The following CADPS variants were observed in gnomAD, a reference collection of about 807,000 sequenced individuals.
CADPS encodes calcium-dependent secretion activator 1.
In CADPS, 57 loss-of-function variants were observed where a neutral mutation model predicts 167.3. That is an observed-to-expected ratio of 0.34 (90% confidence interval 0.28 to 0.42). The LOEUF is 0.42. Ranked by LOEUF, CADPS falls within the 20% of genes least tolerant of loss-of-function variation. CADPS has a pLI of 1.00. For synonymous variants in CADPS, 676 were observed against 635.3 expected, an observed-to-expected ratio of 1.06 and a Z score of -0.96; for missense variants, 1,414 against 1,738.1, an observed-to-expected ratio of 0.81 and a Z score of 3.32.
chr3:62,844,269 A>C (rs2077058846), intron 1 of CADPS, among the ~76,000 whole-genome samples: 1 of 152,198 alleles, frequency 6.6e-6, no homozygotes, highest in Non-Finnish European at 1.5e-5. Context: ...CAAACAGCAG[A>C]AATCTTAGAC....
At position 62,831,192 on chromosome 3, in the gene CADPS, G is replaced by A. The variant is rs2075016435; in HGVS notation, c.441+43397C>T. On this transcript the variant is annotated intron_variant, in intron 1 of 29. Transcript: ENST00000383710. ...AGCTAACATCTCTTGTGTGCTGTATGCCAGTTGCTGTGCAACACTTTACAT... is the reference window on the plus strand; with the variant it reads ...AGCTAACATCTCTTGTGTGCTGTATACCAGTTGCTGTGCAACACTTTACAT... 2.0e-5 allele frequency among the ~76,000 whole-genome samples: 3 copies of A among 152,128 alleles called. No homozygotes were observed. The South Asian group carries it at 6.2e-4, about 32-fold the overall frequency.
intron 3 of CADPS, among the ~76,000 whole-genome samples, chr3:62,684,375 CT>C (rs1302642072): frequency 6.6e-6 from 1 of 152,004 alleles, no homozygotes; most frequent in Non-Finnish European, 1.5e-5. Flanking sequence ...CTTTTTGGCT[CT>C]AATGATGATC....
chr3:62,800,796 A>T (rs954705973), intron 1 of CADPS, among the ~76,000 whole-genome samples: 8 of 152,300 alleles, frequency 5.3e-5, no homozygotes, highest in Admixed American at 1.3e-4. Flanking sequence ...CCAAAACAAC[A>T]ACAAAAAGAT....
intron 9 of CADPS, among the ~76,000 whole-genome samples, chr3:62,564,924 C>T (rs532349849): frequency 6.6e-6 from 1 of 152,170 alleles, no homozygotes; most frequent in South Asian, 2.1e-4. Context: ...CTTTTGATCA[C>T]AGAATAAAAA....
At chr3:62,802,852 G>A (rs571135152) in intron 1 of CADPS, among the ~76,000 whole-genome samples, 4 of 152,170 alleles carry the variant, frequency 2.6e-5, no homozygotes, top group African/African-American at 7.2e-5. Flanking sequence ...CTATTCTCTG[G>A]TCTGGTTCAG....
intron 28 of CADPS, among the ~76,000 whole-genome samples, chr3:62,415,104 A>G (rs1381612361): frequency 9.4e-6 from 1 of 106,446 alleles, no homozygotes. Context: ...TCCCCGCCCC[A>G]TACTTCTTTC....
At chr3:62,697,348 T>G (rs144340223) in intron 3 of CADPS, among the ~76,000 whole-genome samples, 1,892 of 152,140 alleles carry the variant, frequency 0.012, 33 homozygotes, top group Admixed American at 0.018. Context: ...CACTTATGAG[T>G]GAGAGCATAT....
In CADPS at chr3:62,550,001, G is replaced by A. The variant is rs755549772; in HGVS notation, c.1868C>T (p.Thr623Met). 6.2e-7 allele frequency: 1 copy of A among 1,614,078 alleles called. No homozygotes were observed. The highest frequency in any genetic ancestry group is 2.2e-5 in the East Asian group (1 of 44,860). The change falls in exon 11 of 30, where the codon ACG becomes ATG. Residue 623 changes from threonine to methionine, a missense_variant. Around this residue, in one of 6 missense-constraint regions of CADPS, gnomAD observed 529 missense variants for 629.6 expected, o/e 0.84. Coordinates refer to ENST00000383710, the MANE Select transcript of CADPS (RefSeq NM_003716.4). Reference protein sequence around the residue: ...ILWVQAMYRATGQSHKPVPPT... With the variant: ...ILWVQAMYRAMGQSHKPVPPT... ...GGGCACAGGCTTGTGTGACTGCCCCGTGGCCCGATACATGGCCTGGACCCA... is the reference window on the plus strand; with the variant it reads ...GGGCACAGGCTTGTGTGACTGCCCCATGGCCCGATACATGGCCTGGACCCA...
chr3:62,797,715 A>ATTTTTATC (rs2093519644), intron 1 of CADPS, among the ~76,000 whole-genome samples: 4 of 152,130 alleles, frequency 2.6e-5, no homozygotes, highest in South Asian at 4.1e-4. Context: ...ACTAACGGGT[A>ATTTTTATC]CTAGGCTTCA....
At position 62,787,683 on chromosome 3, in the gene CADPS, T is replaced by C. The variant is rs879920365; in HGVS notation, c.442-21699A>G. Reference sequence around the variant, plus strand: ...GATATAGTGATTAAGGGTCTTCATTTTGGAATCAGACTGCTTAAGTTTGAA... The same window carrying C: ...GATATAGTGATTAAGGGTCTTCATTCTGGAATCAGACTGCTTAAGTTTGAA... On this transcript the variant is annotated intron_variant, in intron 1 of 29. Coordinates refer to ENST00000383710, the MANE Select transcript of CADPS (RefSeq NM_003716.4). 2.6e-5 allele frequency among the ~76,000 whole-genome samples: 4 copies of C among 152,210 alleles called. No individual in the cohort carries two copies. In the East Asian group the frequency reaches 7.7e-4, roughly 29 times the overall value.
chr3:62,521,033 G>A (rs2070425333), intron 13 of CADPS, among the ~76,000 whole-genome samples: 1 of 152,166 alleles, frequency 6.6e-6, no homozygotes, highest in Non-Finnish European at 1.5e-5. Context: ...ACTTTTTCTA[G>A]AGCAGTGGTT....
intron 1 of CADPS, among the ~76,000 whole-genome samples, chr3:62,803,600 A>G (rs1473053406): frequency 6.6e-6 from 1 of 151,894 alleles, no homozygotes; most frequent in Non-Finnish European, 1.5e-5. Context: ...TGGGTTCCTT[A>G]CCCTCCTTGT....
rs115290189 is a variant in CADPS at position 62,615,129 on chromosome 3, G to A, written c.1326-22381C>T. Among the ~76,000 whole-genome samples the A allele has an allele frequency of 8.1e-3, 1,232 of 152,270 alleles. 7 individuals are homozygous for A. The highest frequency in any genetic ancestry group is 0.024 in the African/African-American group (986 of 41,564). ...TGGTCTGAGAATAATGGTTTGCAGGGATGATGGATGTGGTATTGAAAGAGA... is the reference window on the plus strand; with the variant it reads ...TGGTCTGAGAATAATGGTTTGCAGGAATGATGGATGTGGTATTGAAAGAGA... On this transcript the variant is annotated intron_variant, in intron 6 of 29. Coordinates refer to ENST00000383710, the MANE Select transcript of CADPS (RefSeq NM_003716.4).
At chr3:62,836,016 T>C (rs2075836315) in intron 1 of CADPS, among the ~76,000 whole-genome samples, 1 of 152,170 alleles carries the variant, frequency 6.6e-6, no homozygotes, top group African/African-American at 2.4e-5. Context: ...GTGAGATGTA[T>C]TGATCAAATG....
intron 1 of CADPS, among the ~76,000 whole-genome samples, chr3:62,780,686 T>C (rs1355218229): frequency 6.6e-6 from 1 of 152,212 alleles, no homozygotes; most frequent in Non-Finnish European, 1.5e-5. Context: ...TATAGCATTA[T>C]TGATCTAATG....
At chr3:62,818,213 A>T (rs2094719830) in intron 1 of CADPS, among the ~76,000 whole-genome samples, 1 of 152,188 alleles carries the variant, frequency 6.6e-6, no homozygotes, top group Non-Finnish European at 1.5e-5. Flanking sequence ...GCAAACTGAC[A>T]TCAGACCCAT....
chr3:62,656,652 C>T (rs888080880), intron 4 of CADPS, among the ~76,000 whole-genome samples: 2 of 152,110 alleles, frequency 1.3e-5, no homozygotes, highest in Non-Finnish European at 2.9e-5. Context: ...CCACCATTAC[C>T]CAGACAATGT....
At chr3:62,599,059 G>T (rs1462540405) in intron 6 of CADPS, among the ~76,000 whole-genome samples, 4 of 152,112 alleles carry the variant, frequency 2.6e-5, no homozygotes. Flanking sequence ...CTTTGCCCTT[G>T]CTGTGCAACT....
At chr3:62,721,412 G>A (rs2075807750) in intron 3 of CADPS, among the ~76,000 whole-genome samples, 2 of 152,080 alleles carry the variant, frequency 1.3e-5, no homozygotes, top group Non-Finnish European at 2.9e-5. Context: ...GTTTGTCCTT[G>A]AACCCAGACA....
Sources: gnomAD v4.1 joint callset for allele counts (sites outside exome capture counted in the v4.1 genomes callset) on GRCh38, gnomAD v4.1.1 for gene constraint, gnomAD v4.1.1 regional missense constraint, MANE v1.5 for transcripts, NCBI Gene and HGNC (gene_info 2026-07-23, HGNC 2026-07-21) for gene names.